Variants in SMN1 observed in about 807,000 individuals in gnomAD.
SMN1 encodes the protein survival motor neuron protein.
For missense variants in SMN1, 15 were observed against 17.1 expected, an observed-to-expected ratio of 0.88 and a Z score of 0.22; for synonymous variants, 3 against 5.1, an observed-to-expected ratio of 0.58 and a Z score of 0.56.
At chr5:70,955,325 C>T (rs1203848854), downstream of SMN1, among the ~76,000 whole-genome samples, 11 of 142,874 alleles carry the variant, frequency 7.7e-5, no homozygotes, top group African/African-American at 1.0e-4. Context: ...AAGCTGGTCT[C>T]GAGTTCCTGG....
At chr5:70,950,510 A>ACAGCC (rs1561502198) in intron 7 of SMN1, among the ~76,000 whole-genome samples, 1 of 146,970 alleles carries the variant, frequency 6.8e-6, no homozygotes, top group East Asian at 2.2e-4. Flanking sequence ...CTGGGGTGCA[A>ACAGCC]TGGTGCAATC....
At chr5:70,960,113 T>C in the SMN1 span, among the ~76,000 whole-genome samples, 1 of 150,498 alleles carries the variant, frequency 6.6e-6, no homozygotes, top group African/African-American at 2.4e-5. Context: ...ATTTGTACAT[T>C]TTTATTTTAT....
At chr5:70,954,901 AAC>A (rs1749862055), downstream of SMN1, among the ~76,000 whole-genome samples, 8 of 17,064 alleles carry the variant, frequency 4.7e-4, 4 homozygotes, top group Non-Finnish European at 4.5e-4. Context: ...AAAAAAAAAA[AAC>A]AAAACACGTT....
downstream of SMN1, among the ~76,000 whole-genome samples, chr5:70,958,866 G>A (rs1383518904): frequency 6.7e-6 from 1 of 150,180 alleles, no homozygotes; most frequent in African/African-American, 2.4e-5. Flanking sequence ...CAGGGATCTA[G>A]AACTAGAAAT....
At chr5:70,960,228 T>G in the SMN1 span, among the ~76,000 whole-genome samples, 1 of 149,604 alleles carries the variant, frequency 6.7e-6, no homozygotes, top group Non-Finnish European at 1.5e-5. Context: ...TTTCAGAGTT[T>G]TTGCTTATAA....
chr5:70,957,611 G>T (rs1177509108), downstream of SMN1, among the ~76,000 whole-genome samples: 2 of 138,184 alleles, frequency 1.4e-5, no homozygotes, highest in African/African-American at 5.2e-5. Context: ...TTATATGCTG[G>T]ATTACATTTA....
chr5:70,951,692 G>A (rs1403994032), intron 7 of SMN1, among the ~76,000 whole-genome samples: 1 of 149,176 alleles, frequency 6.7e-6, no homozygotes, highest in Non-Finnish European at 1.5e-5. Context: ...GCCTCCCAAA[G>A]TTGTGGGATT....
chr5:70,952,219 A>C, intron 8 of SMN1: 1 of 1,496,678 alleles, frequency 6.7e-7, no homozygotes, highest in Non-Finnish European at 8.9e-7. Flanking sequence ...ATGTGGAAGA[A>C]ACATACTTTC....
chr5:70,954,627 TG>T (rs1310558310), downstream of SMN1, among the ~76,000 whole-genome samples: 1 of 28,646 alleles, frequency 3.5e-5, no homozygotes, highest in African/African-American at 8.6e-5. Context: ...CCGAGGCGGG[TG>T]GATCACCTGA....
intron 7 of SMN1, among the ~76,000 whole-genome samples, chr5:70,951,281 A>AT (rs1210756186): frequency 1.4e-4 from 20 of 146,196 alleles, no homozygotes; most frequent in South Asian, 2.2e-4. Context: ...TTATTTATTT[A>AT]TTTTTTTTTG....
rs1335244738 is a variant in SMN1, at chr5:70,951,908, T to G, written c.835-33T>G. ...ATATAGCTATCTATGTCTATATAGC[T>G]ATTTTTTTTAACTTCCTTTATTTTC... On this transcript the variant is annotated intron_variant, in intron 7 of 8. Coordinates refer to ENST00000380707, the MANE Select transcript of SMN1 (RefSeq NM_000344.4). The G allele has an allele frequency of 7.5e-6, 12 of 1,595,502 alleles. No homozygotes were observed. Among genetic ancestry groups the G allele is most frequent in the Non-Finnish European group, 9.5e-6 (11 of 1,163,500 alleles).
chr5:70,951,495 G>A (rs1308179492), intron 7 of SMN1, among the ~76,000 whole-genome samples: 3 of 151,314 alleles, frequency 2.0e-5, no homozygotes, highest in Non-Finnish European at 3.0e-5. Flanking sequence ...GGCTGTTCTC[G>A]AACTCCTGAG....
intron 7 of SMN1, 82 bp from the exon 8 acceptor site, chr5:70,951,859 T>G: frequency 9.2e-7 from 1 of 1,081,544 alleles, no homozygotes. Context: ...AAATGCTTTT[T>G]AACATCCATA....
chr5:70,950,244 C>T (rs1174771682), intron 7 of SMN1, among the ~76,000 whole-genome samples: 1 of 146,280 alleles, frequency 6.8e-6, no homozygotes, highest in Admixed American at 6.9e-5. Context: ...ATGGAGAAAC[C>T]CTGTCTCTAC....
intron 8 of SMN1, 196 bp downstream of exon 8, chr5:70,952,190 C>T (rs1441281938): frequency 8.7e-6 from 13 of 1,487,574 alleles, no homozygotes; most frequent in Non-Finnish European, 1.2e-5. Flanking sequence ...CTAGAATTCT[C>T]ATACTTAACT....
intron 8 of SMN1, 70 bp downstream of exon 8, chr5:70,952,064 T>C: frequency 6.2e-7 from 1 of 1,604,648 alleles, no homozygotes; most frequent in Admixed American, 1.7e-5. Flanking sequence ...AAAACAAATG[T>C]TTTTGAACAT....
intron 7 of SMN1, among the ~76,000 whole-genome samples, chr5:70,951,313 C>CA (rs1359159276): frequency 6.6e-6 from 1 of 151,122 alleles, no homozygotes; most frequent in Non-Finnish European, 1.5e-5. Context: ...TGCTCTGTCA[C>CA]CCAGGCTGGA....
intron 6 of SMN1, among the ~76,000 whole-genome samples, chr5:70,945,633 A>ATT (rs540134415): frequency 1.2e-5 from 1 of 86,896 alleles, no homozygotes; most frequent in Non-Finnish European, 2.2e-5. Flanking sequence ...TTTATGCTTG[A>ATT]TTTTTTTTTT....
chr5:70,960,364 C>T, the SMN1 span, among the ~76,000 whole-genome samples: 1 of 149,208 alleles, frequency 6.7e-6, no homozygotes. Context: ...CATGGACATA[C>T]ACAGAGGTGA....
Sources: gnomAD v4.1 joint callset for allele counts (sites outside exome capture counted in the v4.1 genomes callset) on GRCh38, gnomAD v4.1.1 for gene constraint, MANE v1.5 for transcripts, NCBI Gene and HGNC (gene_info 2026-07-23, HGNC 2026-07-21) for gene names.